Variants in DDI2 observed in about 807,000 individuals in gnomAD.
DDI2 encodes DDI proteasomal shuttling factor 2, also known as protein DDI1 homolog 2.
In DDI2, 5 loss-of-function variants were observed where a neutral mutation model predicts 48.1. The ratio of observed to expected loss-of-function variants is 0.10; its 90% CI spans 0.05 to 0.22. The LOEUF (loss-of-function observed/expected upper bound fraction) is 0.22, where lower values mean the gene tolerates loss of function less well. Among genes scored for constraint, DDI2 ranks in the 10% least tolerant of loss-of-function variants. The pLI is 1.00. For synonymous variants in DDI2, 205 were observed against 183.6 expected, an observed-to-expected ratio of 1.12 and a Z score of -0.94; for missense variants, 285 against 506.2, an observed-to-expected ratio of 0.56 and a Z score of 4.19.
chr1:15,647,651 A>G (rs1640112303), intron 6 of DDI2, among the ~76,000 whole-genome samples: 1 of 152,148 alleles, frequency 6.6e-6, no homozygotes, highest in African/African-American at 2.4e-5. Context: ...GTTAAGGAAT[A>G]TTAGTTTTCC....
Position 15,634,539 on chromosome 1 carries a change from C to CTTTTTTTTTTTTTTTTTTTTTT in DDI2, c.632+985_632+986insTTTTTTTTTTTTTTTTTTTTTT, listed in dbSNP as rs370728497. Among the ~76,000 whole-genome samples the CTTTTTTTTTTTTTTTTTTTTTT allele has an allele frequency of 7.0e-4, 70 of 100,134 alleles. 4 individuals carry two copies. The highest frequency in any genetic ancestry group is 1.3e-3 in the African/African-American group (28 of 22,176). 65.7% of individuals were successfully genotyped at this position (100,134 alleles called of 152,430 possible). A position where few individuals can be genotyped will look rare whatever the true frequency, so the allele number is the denominator to read the frequency against. On this transcript the variant is annotated intron_variant, in intron 4 of 9. Coordinates refer to ENST00000480945, the MANE Select transcript of DDI2 (RefSeq NM_032341.5). ...TTTTTAAACTTCTTATTCTTTTTAT[C>CTTTTTTTTTTTTTTTTTTTTTT]TTTTTTTTTTTGAGACAAGGTCTCA...
Position 15,660,665 on chromosome 1 carries a change from G to A in DDI2, c.*875G>A. The A allele has an allele frequency of 6.2e-7, 1 of 1,614,186 alleles. No individual in the cohort carries two copies. The highest frequency in any genetic ancestry group is 8.5e-7 in the Non-Finnish European group (1 of 1,180,040). Reference sequence around the variant, plus strand: ...CTAGTTACTTTGCTTAATTCAACAGGCAGGCAGAATGCCAATGTCAAGAAC... The same window carrying A: ...CTAGTTACTTTGCTTAATTCAACAGACAGGCAGAATGCCAATGTCAAGAAC... On this transcript the variant is annotated 3_prime_UTR_variant, in exon 10 of 10. Coordinates refer to ENST00000480945, the MANE Select transcript of DDI2 (RefSeq NM_032341.5).
chr1:15,657,237 TC>T (rs1219299180), intron 9 of DDI2, among the ~76,000 whole-genome samples: 2 of 152,214 alleles, frequency 1.3e-5, no homozygotes, highest in Non-Finnish European at 2.9e-5. Flanking sequence ...CAGGAAGCAC[TC>T]TGCTTCCATT....
chr1:15,634,005 A>G (rs1051786523), intron 4 of DDI2: 1 of 310,106 alleles, frequency 3.2e-6, no homozygotes, highest in Non-Finnish European at 6.4e-6. Flanking sequence ...CTCTGCGCCG[A>G]TGGAACGTTG....
intron 4 of DDI2, among the ~76,000 whole-genome samples, chr1:15,637,313 C>T (rs1178734304): frequency 6.6e-6 from 1 of 151,884 alleles, no homozygotes; most frequent in Non-Finnish European, 1.5e-5. Context: ...TCAAGGGATC[C>T]ACCTACTTTG....
intron 2 of DDI2, 143 bp downstream of exon 2, chr1:15,626,941 G>C: frequency 9.4e-7 from 1 of 1,059,044 alleles, no homozygotes; most frequent in African/African-American, 1.6e-5. Flanking sequence ...GTGTAACCTT[G>C]AACAAGTATT....
rs1022554970 is a variant in DDI2 at position 15,630,413 on chromosome 1, C to T, written c.357C>T (p.His119=). 1 of 1,614,138 alleles carries T rather than the reference C, an allele frequency of 6.2e-7. No individual in the cohort carries two copies. Among genetic ancestry groups the T allele is most frequent in the Non-Finnish European group, 8.5e-7 (1 of 1,180,054 alleles). The change falls in exon 3 of 10, where the codon CAC becomes CAT. Residue 119 remains histidine (H), a synonymous_variant. Transcript: ENST00000480945. ...QRQPPGTQQS[H]SSPGEITSSP... is the part of the protein sequence containing the mutation. Reference sequence around the variant, plus strand: ...AGCCACCAGGAACACAGCAGTCCCACTCATCTCCTGGAGAAATAACTTCAT... The same window carrying T: ...AGCCACCAGGAACACAGCAGTCCCATTCATCTCCTGGAGAAATAACTTCAT...
At chr1:15,646,468 C>T (rs1175839410) in intron 6 of DDI2, among the ~76,000 whole-genome samples, 1 of 152,162 alleles carries the variant, frequency 6.6e-6, no homozygotes, top group Non-Finnish European at 1.5e-5. Context: ...AGGTGGATCA[C>T]CTGAGGTCAG....
At chr1:15,646,891 C>A (rs568951826) in intron 6 of DDI2, among the ~76,000 whole-genome samples, 64 of 152,198 alleles carry the variant, frequency 4.2e-4, no homozygotes, top group African/African-American at 1.4e-3. Context: ...AGGAAAAAAA[C>A]ATCCCTTAAA....
chr1:15,651,185 G>A (rs1243825768), intron 7 of DDI2, among the ~76,000 whole-genome samples: 2 of 152,092 alleles, frequency 1.3e-5, no homozygotes, highest in Non-Finnish European at 2.9e-5. Flanking sequence ...ATGAATGAAT[G>A]AGTGTATGTA....
chr1:15,642,422 C>T (rs1160782268), intron 5 of DDI2, among the ~76,000 whole-genome samples: 3 of 152,132 alleles, frequency 2.0e-5, no homozygotes, highest in Non-Finnish European at 4.4e-5. Context: ...TATAGTGTCC[C>T]AGTGTGGGGT....
At chr1:15,630,598 T>C (rs757945767) in intron 3 of DDI2, 37 bp downstream of exon 3, 5 of 1,432,768 alleles carry the variant, frequency 3.5e-6, no homozygotes, top group Non-Finnish European at 4.9e-6. Flanking sequence ...TAGGCTGGCC[T>C]GAGGTGAAGA....
At chr1:15,620,250 AAC>A (rs1206401319) in intron 1 of DDI2, among the ~76,000 whole-genome samples, 2 of 152,052 alleles carry the variant, frequency 1.3e-5, no homozygotes, top group South Asian at 2.1e-4. Context: ...GTAACCTGAC[AAC>A]ACAGTATCTA....
At chr1:15,634,854 T>A (rs1172657705) in intron 4 of DDI2, among the ~76,000 whole-genome samples, 1 of 152,074 alleles carries the variant, frequency 6.6e-6, no homozygotes. Context: ...CAATTGATCT[T>A]CCTTCTGACC....
intron 3 of DDI2, 73 bp downstream of exon 3, chr1:15,630,634 G>A (rs1639828260): frequency 2.0e-6 from 2 of 984,424 alleles, no homozygotes; most frequent in African/African-American, 3.2e-5. Context: ...AATGTGAAGA[G>A]ACTCAAGCGA....
At position 15,638,787 on chromosome 1, in the gene DDI2, G is replaced by C. The variant is rs114214083; in HGVS notation, c.760+353G>C. Among the ~76,000 whole-genome samples, 1,331 of 152,190 alleles carry C rather than the reference G, an allele frequency of 8.7e-3. 19 individuals carry two copies. Among genetic ancestry groups the C allele is most frequent in the African/African-American group, 0.029 (1,220 of 41,516 alleles). On this transcript the variant is annotated intron_variant, in intron 5 of 9. Coordinates refer to ENST00000480945, the MANE Select transcript of DDI2 (RefSeq NM_032341.5). Reference sequence around the variant, plus strand: ...TGACCTCAAGTGATCCACCGTGCCTGGCCCAGATGGCTGTAGTTCTTTAGG... The same window carrying C: ...TGACCTCAAGTGATCCACCGTGCCTCGCCCAGATGGCTGTAGTTCTTTAGG...
chr1:15,652,606 G>A (rs139519031), intron 8 of DDI2, among the ~76,000 whole-genome samples: 10,448 of 149,910 alleles, frequency 0.07, 401 homozygotes, highest in South Asian at 0.078. Context: ...GGTGGATCAC[G>A]AGGTCAGGAG....
intron 4 of DDI2, 44 bp from the exon 5 acceptor site, chr1:15,638,263 A>T: frequency 1.9e-6 from 3 of 1,610,296 alleles, no homozygotes; most frequent in South Asian, 1.1e-5. Context: ...ATTTCTCTCC[A>T]TGGAATTAAT....
At position 15,617,619 on chromosome 1, in the gene DDI2, GC is replaced by G; in HGVS notation, c.-48del. The G allele has an allele frequency of 7.8e-7, 1 of 1,290,270 alleles. No individual in the cohort carries two copies. 79.9% of individuals were successfully genotyped at this position (1,290,270 alleles called of 1,614,324 possible). ...GCCACGCCGCCGCCTCTTCCCCTGC[GC>G]CCCGCGCCCAGGCCGGGCCGAGCCG... On this transcript the variant is annotated 5_prime_UTR_variant, in exon 1 of 10. Coordinates refer to ENST00000480945, the MANE Select transcript of DDI2 (RefSeq NM_032341.5).
Sources: gnomAD v4.1 joint callset for allele counts (sites outside exome capture counted in the v4.1 genomes callset) on GRCh38, gnomAD v4.1.1 for gene constraint, MANE v1.5 for transcripts, NCBI Gene and HGNC (gene_info 2026-07-23, HGNC 2026-07-21) for gene names.